The following RALYL variants were observed in gnomAD, a reference collection of about 807,000 sequenced individuals.
The protein encoded by RALYL is RNA-binding Raly-like protein.
RALYL carries 29 observed loss-of-function variants against 35.1 expected under a neutral mutation model. The ratio of observed to expected loss-of-function variants is 0.83; its 90% confidence interval spans 0.61 to 1.13. RALYL has a LOEUF of 1.13. RALYL is among the 50% of genes most tolerant of loss of function. The pLI is 0.00. For synonymous variants in RALYL, 120 were observed against 127.6 expected (o/e 0.94, Z 0.40); for missense variants, 359 against 360.4 (o/e 1.00, Z 0.03).
At chr8:84,732,683 T>TATATATATATACACACACACACAC in intron 2 of RALYL, among the ~76,000 whole-genome samples, 1 of 133,250 alleles carries the variant, frequency 7.5e-6, no homozygotes, top group Non-Finnish European at 1.6e-5. Context: ...TATATATATA[T>TATATATATATACACACACACACAC]ACACACACAC....
chr8:84,672,095 G>A (rs115075373), intron 2 of RALYL, among the ~76,000 whole-genome samples: 1,600 of 152,210 alleles, frequency 0.011, 34 homozygotes, highest in African/African-American at 0.035. Flanking sequence ...ACTTTTCTGC[G>A]TAGAAATTTC....
chr8:84,747,613 G>A (rs1256559409), intron 2 of RALYL, among the ~76,000 whole-genome samples: 3 of 151,796 alleles, frequency 2.0e-5, no homozygotes, highest in Non-Finnish European at 2.9e-5. Context: ...AGCAGTTCTT[G>A]TAAAGATTTC....
At chr8:84,859,284 G>A (rs1837647623) in intron 5 of RALYL, among the ~76,000 whole-genome samples, 1 of 152,236 alleles carries the variant, frequency 6.6e-6, no homozygotes, top group South Asian at 2.1e-4. Context: ...GCAGAAAAAG[G>A]TGGCAGGATG....
chr8:84,835,279 G>A (rs1398471615), intron 4 of RALYL, among the ~76,000 whole-genome samples: 1 of 152,078 alleles, frequency 6.6e-6, no homozygotes, highest in Non-Finnish European at 1.5e-5. Context: ...ATTCAAAAAA[G>A]CTATAATCAA....
rs73296719 is a variant in RALYL at position 84,302,777 on chromosome 8, A to T, written c.-24+118353A>T. Among the ~76,000 whole-genome samples, 593 of 152,292 alleles carry T rather than the reference A, an allele frequency of 3.9e-3. 5 individuals are homozygous for T. The highest frequency in any genetic ancestry group is 0.014 in the African/African-American group (564 of 41,552). ...TGCAGGGGAGTTTAATTATGAATTG[A>T]TCAGGGTGAGTCTTTCAAGTACCTT... On this transcript the variant is annotated intron_variant, in intron 1 of 8. Transcript: ENST00000521268.
chr8:84,669,487 T>TC (rs71273910), intron 2 of RALYL, among the ~76,000 whole-genome samples: 2,876 of 15,236 alleles, frequency 0.19, 164 homozygotes, highest in Middle Eastern at 0.33. Context: ...CCCTCCCCCC[T>TC]CCCCCCCCCC....
intron 1 of RALYL, among the ~76,000 whole-genome samples, chr8:84,351,572 A>G (rs1586529061): frequency 6.7e-6 from 1 of 149,462 alleles, no homozygotes; most frequent in Non-Finnish European, 1.5e-5. Flanking sequence ...ATACCCTTCA[A>G]TATGGCCCAT....
At chr8:84,623,582 A>G (rs1013606985) in intron 2 of RALYL, among the ~76,000 whole-genome samples, 5 of 152,100 alleles carry the variant, frequency 3.3e-5, no homozygotes, top group African/African-American at 1.2e-4. Flanking sequence ...TAGGGAGAGG[A>G]AGTTGTCAAT....
rs1166208925 is a variant in RALYL, at chr8:84,366,763, CAAAAA to C, written c.-23-162512_-23-162508del. ...TGGAGGCAGAGTGAGATTTTTGTCTCAAAAAAAAAAAAAAAAAAAAAAAAAAAAGG... is the reference window on the plus strand; with the variant it reads ...TGGAGGCAGAGTGAGATTTTTGTCTCAAAAAAAAAAAAAAAAAAAAAAAGG... On this transcript the variant is annotated intron_variant, in intron 1 of 8. Coordinates refer to ENST00000521268, the MANE Select transcript of RALYL (RefSeq NM_173848.7). Among the ~76,000 whole-genome samples the C allele has an allele frequency of 1.1e-4, 6 of 56,658 alleles. No homozygotes were observed. In the East Asian group the frequency reaches 3.0e-3, roughly 28 times the overall value. The allele number at this position is 56,658 out of a possible 152,430, so 37.2% of individuals were successfully genotyped here. A position where few individuals can be genotyped will look rare whatever the true frequency, so the allele number is the denominator to read the frequency against.
chr8:84,726,845 GTAAATA>G (rs1306490825), intron 2 of RALYL, among the ~76,000 whole-genome samples: 2 of 152,104 alleles, frequency 1.3e-5, no homozygotes, highest in Admixed American at 1.3e-4. Flanking sequence ...TGTGAGGGTT[GTAAATA>G]TAAATAAGGG....
intron 1 of RALYL, among the ~76,000 whole-genome samples, chr8:84,209,140 A>AAAAAG (rs1563535255): frequency 6.6e-6 from 1 of 150,898 alleles, no homozygotes. Context: ...AAAAAAAAAA[A>AAAAAG]AAAAGAAAAG....
At chr8:84,243,937 C>T (rs1200414396) in intron 1 of RALYL, among the ~76,000 whole-genome samples, 1 of 152,086 alleles carries the variant, frequency 6.6e-6, no homozygotes, top group East Asian at 1.9e-4. Flanking sequence ...TAGTCAGTTG[C>T]TATTATTCTA....
chr8:84,853,895 A>G (rs561967171), intron 5 of RALYL, among the ~76,000 whole-genome samples: 4 of 152,234 alleles, frequency 2.6e-5, no homozygotes, highest in East Asian at 3.9e-4. Flanking sequence ...TTAATATCAC[A>G]AAATCTGTTA....
chr8:84,357,941 G>C (rs1852198940), intron 1 of RALYL, among the ~76,000 whole-genome samples: 1 of 151,514 alleles, frequency 6.6e-6, no homozygotes, highest in Non-Finnish European at 1.5e-5. Flanking sequence ...CATTTCCTTT[G>C]CTCCATGATG....
At chr8:84,367,335 T>TG (rs1563800199) in intron 1 of RALYL, among the ~76,000 whole-genome samples, 7 of 58,298 alleles carry the variant, frequency 1.2e-4, no homozygotes, top group Non-Finnish European at 2.1e-4. Flanking sequence ...TTTTTTTTTT[T>TG]TTTTTTTTTT....
chr8:84,622,319 A>G (rs1161637390), intron 2 of RALYL, among the ~76,000 whole-genome samples: 1 of 152,198 alleles, frequency 6.6e-6, no homozygotes, highest in Non-Finnish European at 1.5e-5. Context: ...GAAGAATATA[A>G]AAGTGTTTGC....
At chr8:84,209,668 G>C (rs1044458606) in intron 1 of RALYL, among the ~76,000 whole-genome samples, 1 of 152,124 alleles carries the variant, frequency 6.6e-6, no homozygotes, top group African/African-American at 2.4e-5. Context: ...GCCTAGGATG[G>C]AGCTGGAAAT....
chr8:84,272,673 A>G (rs983068167), intron 1 of RALYL, among the ~76,000 whole-genome samples: 1 of 152,208 alleles, frequency 6.6e-6, no homozygotes. Flanking sequence ...TTTATCAGTC[A>G]TAATGAAATA....
chr8:84,600,360 T>G (rs990043177), intron 2 of RALYL, among the ~76,000 whole-genome samples: 5 of 152,102 alleles, frequency 3.3e-5, no homozygotes, highest in Admixed American at 3.3e-4. Context: ...AATCACTGAT[T>G]GTGAGCTATT....
Sources: gnomAD v4.1 joint callset for allele counts (sites outside exome capture counted in the v4.1 genomes callset) on GRCh38, gnomAD v4.1.1 for gene constraint, MANE v1.5 for transcripts, NCBI Gene and HGNC (gene_info 2026-07-23, HGNC 2026-07-21) for gene names.